Variants in FSTL5 observed in about 807,000 individuals in gnomAD.
FSTL5 encodes follistatin-related protein 5.
In FSTL5, 62 loss-of-function variants were observed where a neutral mutation model predicts 89.1. That is an observed-to-expected ratio of 0.70 (90% CI 0.57 to 0.86). The LOEUF (loss-of-function observed/expected upper bound fraction) is 0.86. Ranked by LOEUF, FSTL5 falls within the 40% of genes least tolerant of loss-of-function variation. The pLI, the probability that FSTL5 is intolerant of heterozygous loss-of-function variation, is 0.00. For synonymous variants in FSTL5, 383 were observed against 346.2 expected, an observed-to-expected ratio of 1.11 and a Z score of -1.18; for missense variants, 1,057 against 1,001.6, an observed-to-expected ratio of 1.06 and a Z score of -0.75.
At chr4:161,448,038 T>C (rs1733009926) in intron 15 of FSTL5, among the ~76,000 whole-genome samples, 2 of 152,008 alleles carry the variant, frequency 1.3e-5, no homozygotes, top group South Asian at 4.1e-4. Flanking sequence ...AAAGAAACTG[T>C]GGAAAGGGAA....
chr4:161,572,856 A>G (rs1163332358), intron 8 of FSTL5, among the ~76,000 whole-genome samples: 4 of 152,178 alleles, frequency 2.6e-5, no homozygotes, highest in Non-Finnish European at 5.9e-5. Flanking sequence ...TAAAGGTAGG[A>G]TATGGTTTAA....
At chr4:161,598,391 C>CAAAG (rs1263603667) in intron 7 of FSTL5, among the ~76,000 whole-genome samples, 4 of 151,586 alleles carry the variant, frequency 2.6e-5, no homozygotes, top group Non-Finnish European at 5.9e-5. Context: ...AACAAACAAA[C>CAAAG]AAACAAACAA....
chr4:161,906,477 T>TA (rs939197887), intron 4 of FSTL5, among the ~76,000 whole-genome samples: 1 of 151,824 alleles, frequency 6.6e-6, no homozygotes, highest in East Asian at 1.9e-4. Context: ...GAATTTTTCT[T>TA]AAAAAAAAGG....
At chr4:162,133,280 A>G (rs72986934) in intron 1 of FSTL5, among the ~76,000 whole-genome samples, 35,412 of 152,152 alleles carry the variant, frequency 0.23, 4,313 homozygotes, top group Non-Finnish European at 0.26. Flanking sequence ...GGGAAGAACA[A>G]AAAGTCTAGT....
chr4:161,693,535 G>A (rs1738025806), intron 6 of FSTL5, among the ~76,000 whole-genome samples: 1 of 151,070 alleles, frequency 6.6e-6, no homozygotes, highest in Non-Finnish European at 1.5e-5. Flanking sequence ...GTTTCCTCTT[G>A]AGTCAGTTTT....
At chr4:161,769,424 G>A (rs1001449181) in intron 5 of FSTL5, among the ~76,000 whole-genome samples, 3 of 151,822 alleles carry the variant, frequency 2.0e-5, no homozygotes, top group South Asian at 4.1e-4. Flanking sequence ...AAACATTGAC[G>A]CAAAAGTCCT....
chr4:161,392,200 C>T (rs368308283), intron 15 of FSTL5, among the ~76,000 whole-genome samples: 32 of 151,092 alleles, frequency 2.1e-4, no homozygotes, highest in South Asian at 1.1e-3. Context: ...GTAATTGGGA[C>T]ATATGGCTAA....
At chr4:161,916,248 G>A (rs1481208935) in intron 4 of FSTL5, among the ~76,000 whole-genome samples, 1 of 152,104 alleles carries the variant, frequency 6.6e-6, no homozygotes, top group Non-Finnish European at 1.5e-5. Context: ...AATAGCAGAA[G>A]GGTTTCTGTT....
intron 4 of FSTL5, among the ~76,000 whole-genome samples, chr4:161,852,435 G>A (rs1312987506): frequency 6.6e-6 from 1 of 152,044 alleles, no homozygotes; most frequent in Non-Finnish European, 1.5e-5. Flanking sequence ...CAGTCAGAAT[G>A]GCAATTATTA....
rs1192385741 is a variant in FSTL5 at position 161,677,057 on chromosome 4, T to C, written c.728-20563A>G. Among the ~76,000 whole-genome samples, 3 of 152,176 alleles carry C rather than the reference T, an allele frequency of 2.0e-5. No homozygotes were observed. In the East Asian group the frequency reaches 5.8e-4, roughly 29 times the overall value. Reference sequence around the variant, plus strand: ...TTCCCCTTTCTTTCTTCATGTGCAATGCAATTTTATAAATATTAAAACATC... The same window carrying C: ...TTCCCCTTTCTTTCTTCATGTGCAACGCAATTTTATAAATATTAAAACATC... On this transcript the variant is annotated intron_variant, in intron 6 of 15. Transcript: ENST00000306100.
chr4:161,930,151 T>G (rs1560922537), intron 3 of FSTL5, among the ~76,000 whole-genome samples: 1 of 151,872 alleles, frequency 6.6e-6, no homozygotes, highest in Admixed American at 6.6e-5. Flanking sequence ...CATTCTCTGG[T>G]TTCTGTGTTG....
rs575768718 is a variant in FSTL5, at chr4:161,427,714, A to G, written c.1841+27290T>C. 7.2e-5 allele frequency among the ~76,000 whole-genome samples: 11 copies of G among 152,266 alleles called. No homozygotes were observed. The South Asian group carries it at 2.1e-3, about 29-fold the overall frequency. ...CTCAGAATAAAACACACATATATAA[A>G]TGATACGTAAAGACAATGTCTGATA... On this transcript the variant is annotated intron_variant, in intron 15 of 15. Coordinates refer to ENST00000306100, the MANE Select transcript of FSTL5 (RefSeq NM_020116.5).
intron 15 of FSTL5, among the ~76,000 whole-genome samples, chr4:161,405,763 G>C (rs1026622051): frequency 2.0e-5 from 3 of 151,982 alleles, no homozygotes; most frequent in Non-Finnish European, 4.4e-5. Flanking sequence ...AACTGTTAAA[G>C]ACAAAGAGAG....
chr4:162,048,888 T>G (rs1738291809), intron 2 of FSTL5, among the ~76,000 whole-genome samples: 1 of 152,108 alleles, frequency 6.6e-6, no homozygotes, highest in African/African-American at 2.4e-5. Context: ...GCTGAAACTG[T>G]AGACATTTTT....
intron 10 of FSTL5, 51 bp from the exon 11 acceptor site, chr4:161,510,475 C>A (rs78459880): frequency 2.8e-6 from 3 of 1,077,764 alleles, no homozygotes; most frequent in Non-Finnish European, 4.0e-6. Flanking sequence ...GTAAAGAGAG[C>A]TTTTGCTATA....
At chr4:161,865,608 A>G (rs1475176288) in intron 4 of FSTL5, among the ~76,000 whole-genome samples, 1 of 152,166 alleles carries the variant, frequency 6.6e-6, no homozygotes. Flanking sequence ...TTGTTACTAT[A>G]ACGTTACAAT....
At chr4:161,680,770 G>T (rs988249004) in intron 6 of FSTL5, among the ~76,000 whole-genome samples, 8 of 151,778 alleles carry the variant, frequency 5.3e-5, no homozygotes, top group Admixed American at 1.3e-4. Flanking sequence ...CATTTGTCAA[G>T]TAACAAATTT....
At chr4:161,783,840 A>G (rs1741785016) in intron 4 of FSTL5, among the ~76,000 whole-genome samples, 1 of 147,856 alleles carries the variant, frequency 6.8e-6, no homozygotes, top group South Asian at 2.2e-4. Context: ...ATCTTGGCTC[A>G]CTGCAACCTC....
intron 8 of FSTL5, among the ~76,000 whole-genome samples, chr4:161,560,413 T>C (rs568147650): frequency 6.6e-6 from 1 of 151,914 alleles, no homozygotes; most frequent in Non-Finnish European, 1.5e-5. Flanking sequence ...AAAAAAACTT[T>C]CTTTCTTCAA....
Sources: gnomAD v4.1 joint callset for allele counts (sites outside exome capture counted in the v4.1 genomes callset) on GRCh38, gnomAD v4.1.1 for gene constraint, MANE v1.5 for transcripts, NCBI Gene and HGNC (gene_info 2026-07-23, HGNC 2026-07-21) for gene names.